RPAP2: variants seen among roughly 807,000 people sequenced by gnomAD.
RPAP2 encodes RNA polymerase II associated protein 2, also known as putative RNA polymerase II subunit B1 CTD phosphatase RPAP2.
A neutral mutation model predicts 73.1 loss-of-function variants in RPAP2; 52 were observed. That is an observed-to-expected ratio of 0.71 (90% confidence interval 0.57 to 0.90). RPAP2 has a LOEUF of 0.90. Ranked by LOEUF, RPAP2 falls within the 40% of genes least tolerant of loss-of-function variation. The pLI is 0.00. For missense variants in RPAP2, 598 were observed against 701.8 expected (o/e 0.85, Z 1.67); for synonymous variants, 225 against 242.1 (o/e 0.93, Z 0.65).
rs1444383177 is a variant in RPAP2, at chr1:92,323,826, T to C, written c.906T>C (p.Asn302=). The C allele has an allele frequency of 6.2e-7, 1 of 1,614,078 alleles. No homozygotes were observed. Among genetic ancestry groups the C allele is most frequent in the Non-Finnish European group, 8.5e-7 (1 of 1,179,970 alleles). The change falls in exon 8 of 13, where the codon AAT becomes AAC. Residue 302 remains asparagine, a synonymous_variant. Transcript: ENST00000610020. ...LQKVNTQSSS[N]STLPERLKAS... The stretch of plus-strand genomic sequence containing the variant: ...AAGTAAATACTCAGAGTTCTTCAAA[T>C]AGCACTTTGCCTGAAAGATTAAAAG...
intron 11 of RPAP2, among the ~76,000 whole-genome samples, chr1:92,354,902 T>TATG (rs1232182340): frequency 6.7e-6 from 1 of 149,334 alleles, no homozygotes; most frequent in Non-Finnish European, 1.5e-5. Flanking sequence ...TTATTATTAT[T>TATG]ATTATTATTA....
intron 2 of RPAP2, among the ~76,000 whole-genome samples, 199 bp downstream of exon 2, chr1:92,300,438 A>G (rs1474524094): frequency 1.3e-5 from 2 of 152,152 alleles, no homozygotes; most frequent in African/African-American, 4.8e-5. Flanking sequence ...AAACCAAACT[A>G]AGCACTCAGA....
chr1:92,350,809 A>G (rs1378048237), intron 11 of RPAP2, among the ~76,000 whole-genome samples: 1 of 152,010 alleles, frequency 6.6e-6, no homozygotes, highest in East Asian at 1.9e-4. Context: ...GGGCATGCCT[A>G]TAGTTCCAGC....
At chr1:92,304,416 C>A in intron 5 of RPAP2, 67 bp downstream of exon 5, 2 of 802,046 alleles carry the variant, frequency 2.5e-6, no homozygotes, top group Non-Finnish European at 3.9e-6. Flanking sequence ...CCTAACAAGG[C>A]ATGGCAATTA....
intron 6 of RPAP2, among the ~76,000 whole-genome samples, chr1:92,315,818 G>C (rs933916435): frequency 6.6e-6 from 1 of 152,130 alleles, no homozygotes; most frequent in African/African-American, 2.4e-5. Flanking sequence ...TAATGTCATG[G>C]AGACTAACAG....
intron 8 of RPAP2, among the ~76,000 whole-genome samples, chr1:92,328,868 A>G (rs1037387766): frequency 6.6e-6 from 1 of 152,116 alleles, no homozygotes; most frequent in Non-Finnish European, 1.5e-5. Context: ...TCCTTCCCCT[A>G]GGGATGGGGC....
At chr1:92,357,935 G>A (rs1654559946) in intron 11 of RPAP2, among the ~76,000 whole-genome samples, 1 of 152,138 alleles carries the variant, frequency 6.6e-6, no homozygotes, top group South Asian at 2.1e-4. Flanking sequence ...TTGCTCGTTT[G>A]TTTGTTTTAG....
intron 6 of RPAP2, among the ~76,000 whole-genome samples, chr1:92,320,333 C>T (rs532727310): frequency 2.6e-5 from 4 of 152,034 alleles, no homozygotes; most frequent in East Asian, 1.9e-4. Flanking sequence ...AGTGCAGTGG[C>T]GCAATCTCGG....
intron 3 of RPAP2, 113 bp downstream of exon 3, chr1:92,301,703 T>A: frequency 2.2e-6 from 1 of 454,282 alleles, no homozygotes; most frequent in African/African-American, 2.0e-5. Context: ...AGTCATTAGA[T>A]GCAGATAACA....
chr1:92,371,928 AAG>A (rs1374014841), intron 11 of RPAP2, among the ~76,000 whole-genome samples: 1 of 151,776 alleles, frequency 6.6e-6, no homozygotes, highest in East Asian at 1.9e-4. Flanking sequence ...GCAAAACAAA[AAG>A]AAGTATCTTA....
chr1:92,304,074 T>C lies in RPAP2; in HGVS notation c.332T>C (p.Ile111Thr). ...CCTTTATGTCAGAAGAAGCTGGGAATTGTAAGTAACTCATTTTTTTTAAAA... is the reference window on the plus strand; with the variant it reads ...CCTTTATGTCAGAAGAAGCTGGGAACTGTAAGTAACTCATTTTTTTTAAAA... ...GYPLCQKKLGIVPKQKYKIST... is the reference protein window; with the variant it reads ...GYPLCQKKLGTVPKQKYKIST... Residue 111 changes from isoleucine to threonine, a missense_variant and splice_region_variant, in exon 4 of 13, where the codon ATT becomes ACT. Transcript: ENST00000610020. The C allele has an allele frequency of 6.3e-7, 1 of 1,595,642 alleles. No individual in the cohort carries two copies. Among genetic ancestry groups the C allele is most frequent in the Non-Finnish European group, 8.5e-7 (1 of 1,169,930 alleles).
Position 92,390,519 on chromosome 1 carries a change from G to A in RPAP2, c.*3508G>A, listed in dbSNP as rs550579784. 1.4e-3 allele frequency: 218 copies of A among 152,278 alleles called. 3 individuals are homozygous for A. Among genetic ancestry groups the A allele is most frequent in the African/African-American group, 5.2e-3 (215 of 41,550 alleles). 9.4% of individuals were successfully genotyped at this position (152,278 alleles called of 1,614,324 possible). A position where few individuals can be genotyped will look rare whatever the true frequency, so the allele number is the denominator to read the frequency against. ...TGAAATAACCAGCTAGCATCATAAT[G>A]ACAGGATCAAATTCCCACATAACAA... is the stretch of plus-strand genomic sequence containing the variant. On this transcript the variant is annotated 3_prime_UTR_variant, in exon 13 of 13. Transcript: ENST00000610020.
At position 92,395,240 on chromosome 1, in the gene RPAP2, T is replaced by G. The variant is rs920163145; in HGVS notation, c.*8229T>G. 2.0e-5 allele frequency: 3 copies of G among 152,076 alleles called. No individual in the cohort carries two copies. The highest frequency in any genetic ancestry group is 7.2e-5 in the African/African-American group (3 of 41,410). The allele number at this position is 152,076 out of a possible 1,614,324, so 9.4% of individuals were successfully genotyped here. ...TGGGAGAAAACCTAGATGACCTTGG[T>G]TTAGGAAGAATTCTTAAGACACTAA... On this transcript the variant is annotated 3_prime_UTR_variant, in exon 13 of 13. Coordinates refer to ENST00000610020, the MANE Select transcript of RPAP2 (RefSeq NM_024813.3).
intron 11 of RPAP2, among the ~76,000 whole-genome samples, chr1:92,360,258 G>A (rs377674620): frequency 2.2e-4 from 34 of 152,198 alleles, no homozygotes; most frequent in African/African-American, 8.2e-4. Flanking sequence ...ACGAAAATGA[G>A]AATAAGGACT....
chr1:92,399,019 T>C lies in RPAP2; in HGVS notation c.*12008T>C, dbSNP rs1656251946. The C allele has an allele frequency of 6.6e-6, 1 of 152,246 alleles. No homozygotes were observed. Among genetic ancestry groups the C allele is most frequent in the Non-Finnish European group, 1.5e-5 (1 of 68,050 alleles). 9.4% of individuals were successfully genotyped at this position (152,246 alleles called of 1,614,324 possible). A position where few individuals can be genotyped will look rare whatever the true frequency, so the allele number is the denominator to read the frequency against. ...TTCCCTCAGCAAAAATACTGTGTTTTGGAAAACATTACCAATAAAGGAGCT... is the reference window on the plus strand; with the variant it reads ...TTCCCTCAGCAAAAATACTGTGTTTCGGAAAACATTACCAATAAAGGAGCT... On this transcript the variant is annotated 3_prime_UTR_variant, in exon 13 of 13. Transcript: ENST00000610020.
intron 12 of RPAP2, 41 bp from the exon 13 acceptor site, chr1:92,386,970 C>T (rs1655890178): frequency 1.9e-6 from 3 of 1,568,874 alleles, no homozygotes; most frequent in East Asian, 4.5e-5. Flanking sequence ...CTTGGCCTCC[C>T]AATACATGTT....
intron 12 of RPAP2, among the ~76,000 whole-genome samples, chr1:92,386,638 T>G (rs1293347614): frequency 6.6e-6 from 1 of 152,208 alleles, no homozygotes; most frequent in East Asian, 1.9e-4. Flanking sequence ...TGAATGAATA[T>G]TGACAAGACA....
chr1:92,335,139 A>G (rs527842239), intron 9 of RPAP2, among the ~76,000 whole-genome samples: 1 of 152,226 alleles, frequency 6.6e-6, no homozygotes, highest in Non-Finnish European at 1.5e-5. Flanking sequence ...GGGTGTACTA[A>G]TTTACATTCC....
chr1:92,300,322 C>A, intron 2 of RPAP2, 83 bp downstream of exon 2: 3 of 1,095,328 alleles, frequency 2.7e-6, no homozygotes, highest in Non-Finnish European at 4.0e-6. Context: ...ATAATGGTTA[C>A]CTTTTTTTTT....
Sources: gnomAD v4.1 joint callset for allele counts (sites outside exome capture counted in the v4.1 genomes callset) on GRCh38, gnomAD v4.1.1 for gene constraint, MANE v1.5 for transcripts, NCBI Gene and HGNC (gene_info 2026-07-23, HGNC 2026-07-21) for gene names.